DCC: variants seen among roughly 807,000 people sequenced by gnomAD.
DCC encodes netrin receptor DCC.
Under a neutral mutation model 172.5 loss-of-function variants are expected in DCC, and 58 were observed. That is an observed-to-expected ratio of 0.34 (90% CI 0.27 to 0.42). The LOEUF is 0.42. DCC is among the 10% of genes least tolerant of loss of function. The probability of loss-of-function intolerance (pLI) is 1.00; values close to 1 mark genes in which losing one functional copy is unlikely to be tolerated. For missense variants in DCC, 1,740 were observed against 1,791.0 expected, an observed-to-expected ratio of 0.97 and a Z score of 0.51; for synonymous variants, 709 against 644.5, an observed-to-expected ratio of 1.10 and a Z score of -1.52.
At chr18:53,108,534 C>T (rs573853878) in intron 7 of DCC, among the ~76,000 whole-genome samples, 9 of 151,600 alleles carry the variant, frequency 5.9e-5, no homozygotes, top group South Asian at 2.1e-4. Context: ...ACAAATTTTG[C>T]GTATGTACAT....
At chr18:53,406,516 C>G (rs1168442523) in intron 19 of DCC, among the ~76,000 whole-genome samples, 1 of 151,718 alleles carries the variant, frequency 6.6e-6, no homozygotes, top group African/African-American at 2.4e-5. Context: ...ACCAGCCTGG[C>G]CAACAAGGTG....
At position 53,052,974 on chromosome 18, in the gene DCC, C is replaced by G. The variant is rs375751198; in HGVS notation, c.986-10331C>G. On this transcript the variant is annotated intron_variant, in intron 5 of 28. Coordinates refer to ENST00000442544, the MANE Select transcript of DCC (RefSeq NM_005215.4). ...CTTGGCCAATGTGGCAAAACCGTGT[C>G]TCCACTAAAAATACAAAAATTAGTA... Among the ~76,000 whole-genome samples, 108 of 152,112 alleles carry G rather than the reference C, an allele frequency of 7.1e-4. 5 individuals are homozygous for G. In the South Asian group the frequency reaches 0.022, roughly 30 times the overall value.
At chr18:52,512,877 A>G (rs1275530737) in intron 1 of DCC, among the ~76,000 whole-genome samples, 1 of 152,218 alleles carries the variant, frequency 6.6e-6, no homozygotes, top group East Asian at 1.9e-4. Flanking sequence ...GAACAAAAAT[A>G]TGAAAAACCC....
chr18:53,179,103 C>A lies in DCC; in HGVS notation c.1560C>A (p.Ala520=), dbSNP rs746610946. The A allele has an allele frequency of 6.2e-7, 1 of 1,613,792 alleles. No individual in the cohort carries two copies. The highest frequency in any genetic ancestry group is 8.5e-7 in the Non-Finnish European group (1 of 1,179,872). The part of the protein sequence containing the change: ...PGESSQPIKV[A]TQPELQVPGP... ...AGAGTTCTCAACCCATCAAGGTGGC[C>A]ACACAGCCTGAGTGTGAGTATGAAA... Residue 520 remains alanine, a synonymous_variant, in exon 9 of 29, where the codon GCC becomes GCA. Coordinates refer to ENST00000442544, the MANE Select transcript of DCC (RefSeq NM_005215.4).
At chr18:53,267,055 G>C (rs770783578) in intron 12 of DCC, among the ~76,000 whole-genome samples, 1 of 151,330 alleles carries the variant, frequency 6.6e-6, no homozygotes, top group Non-Finnish European at 1.5e-5. Flanking sequence ...TAATTGCTGA[G>C]TCATGCAATA....
At chr18:52,523,286 G>A (rs781154341) in intron 1 of DCC, among the ~76,000 whole-genome samples, 5 of 152,092 alleles carry the variant, frequency 3.3e-5, no homozygotes, top group Non-Finnish European at 7.4e-5. Context: ...TGGCACCCTA[G>A]GAGTGGGCCA....
chr18:52,856,984 AGCT>A (rs1164054261), intron 2 of DCC, among the ~76,000 whole-genome samples: 1 of 152,166 alleles, frequency 6.6e-6, no homozygotes, highest in Non-Finnish European at 1.5e-5. Context: ...CTCAGCTTTA[AGCT>A]GATGGGTTAA....
chr18:53,359,157 G>T (rs1300609295), intron 15 of DCC, among the ~76,000 whole-genome samples: 3 of 152,112 alleles, frequency 2.0e-5, no homozygotes, highest in African/African-American at 7.2e-5. Flanking sequence ...TAAGAGAGTT[G>T]CAGGAGTTAT....
At chr18:53,491,724 C>T (rs924702853) in intron 26 of DCC, among the ~76,000 whole-genome samples, 17 of 152,164 alleles carry the variant, frequency 1.1e-4, no homozygotes, top group South Asian at 4.1e-4. Context: ...TCCAGTCCAT[C>T]GTTGATGGGC....
chr18:52,640,340 GT>G (rs1217840329), intron 1 of DCC, among the ~76,000 whole-genome samples: 1 of 152,110 alleles, frequency 6.6e-6, no homozygotes, highest in Admixed American at 6.6e-5. Flanking sequence ...CTTCAACATA[GT>G]ATTGGAATTC....
chr18:53,099,429 A>G (rs1281636039), intron 7 of DCC, among the ~76,000 whole-genome samples: 5 of 152,080 alleles, frequency 3.3e-5, no homozygotes, highest in Non-Finnish European at 7.4e-5. Context: ...TCTTTCCTGA[A>G]ATACTTTACC....
intron 5 of DCC, among the ~76,000 whole-genome samples, chr18:52,964,197 C>A (rs1302042925): frequency 6.6e-6 from 1 of 152,018 alleles, no homozygotes; most frequent in South Asian, 2.1e-4. Flanking sequence ...GGAAAGAAGA[C>A]AAAAACTGTC....
chr18:52,767,538 A>G (rs2037273337), intron 2 of DCC, among the ~76,000 whole-genome samples: 4 of 152,170 alleles, frequency 2.6e-5, no homozygotes, highest in Non-Finnish European at 5.9e-5. Flanking sequence ...ACAAATCTTC[A>G]TTATTTATAA....
intron 2 of DCC, among the ~76,000 whole-genome samples, chr18:52,889,546 G>C (rs538506871): frequency 6.6e-6 from 1 of 152,218 alleles, no homozygotes; most frequent in East Asian, 1.9e-4. Flanking sequence ...TCAAGGTAAA[G>C]CAGGGATTGA....
chr18:53,094,511 A>T (rs2043056909), intron 7 of DCC, among the ~76,000 whole-genome samples: 2 of 152,364 alleles, frequency 1.3e-5, no homozygotes, highest in Non-Finnish European at 2.9e-5. Context: ...GGTTGTCAAA[A>T]GTCTCAGAAT....
intron 7 of DCC, among the ~76,000 whole-genome samples, chr18:53,070,368 G>A (rs1319215823): frequency 6.6e-6 from 1 of 152,122 alleles, no homozygotes; most frequent in East Asian, 1.9e-4. Flanking sequence ...ATCAGGGTTG[G>A]GAAGACAGAG....
intron 1 of DCC, among the ~76,000 whole-genome samples, chr18:52,623,417 G>T (rs529525155): frequency 6.6e-6 from 1 of 152,304 alleles, no homozygotes; most frequent in African/African-American, 2.4e-5. Flanking sequence ...GCTGGAAGAG[G>T]CAGGAGCTTG....
rs147710569 is a variant in DCC at position 53,284,108 on chromosome 18, A to G, written c.1912-21470A>G. Among the ~76,000 whole-genome samples the G allele has an allele frequency of 2.0e-4, 30 of 152,198 alleles. 1 individual carries two copies. In the East Asian group the frequency reaches 4.3e-3, roughly 22 times the overall value. On this transcript the variant is annotated intron_variant, in intron 12 of 28. Coordinates refer to ENST00000442544, the MANE Select transcript of DCC (RefSeq NM_005215.4). Reference sequence around the variant, plus strand: ...TTCATTTGCACGTGGCATTTTACTAACCCCTACCTGCATCTCCTCAAACCC... The same window carrying G: ...TTCATTTGCACGTGGCATTTTACTAGCCCCTACCTGCATCTCCTCAAACCC...
intron 5 of DCC, among the ~76,000 whole-genome samples, chr18:52,957,243 G>C (rs886103074): frequency 6.6e-6 from 1 of 151,974 alleles, no homozygotes; most frequent in African/African-American, 2.4e-5. Context: ...CTAGCCATTA[G>C]TTTATATATT....
Sources: allele counts gnomAD v4.1 joint callset (sites outside exome capture counted in the v4.1 genomes callset), GRCh38; gene constraint gnomAD v4.1.1; transcripts MANE v1.5; gene names NCBI Gene and HGNC (gene_info 2026-07-23, HGNC 2026-07-21).